Variants in IMMP2L observed in about 807,000 individuals in gnomAD.
IMMP2L encodes the protein inner mitochondrial membrane peptidase subunit 2, also known as mitochondrial inner membrane protease subunit 2.
A neutral mutation model predicts 19.3 loss-of-function variants in IMMP2L; 18 were observed. That is an observed-to-expected ratio of 0.93 (90% CI 0.64 to 1.38). IMMP2L has a LOEUF of 1.38. Among genes scored for constraint, IMMP2L ranks in the 40% most tolerant of loss-of-function variants. The pLI is 0.00. For missense variants in IMMP2L, 233 were observed against 218.2 expected, an observed-to-expected ratio of 1.07 and a Z score of -0.43; for synonymous variants, 76 against 73.0, an observed-to-expected ratio of 1.04 and a Z score of -0.21.
At chr7:111,459,353 C>T (rs545268113) in intron 3 of IMMP2L, among the ~76,000 whole-genome samples, 3 of 152,176 alleles carry the variant, frequency 2.0e-5, no homozygotes, top group South Asian at 2.1e-4. Flanking sequence ...ATTATCACAA[C>T]GTTAGCTCCA....
At chr7:111,298,758 C>CAAAAA (rs36095137) in intron 3 of IMMP2L, among the ~76,000 whole-genome samples, 1 of 116,092 alleles carries the variant, frequency 8.6e-6, no homozygotes, top group African/African-American at 3.5e-5. Flanking sequence ...GACTCTGCCT[C>CAAAAA]AAAAAAAAAA....
intron 4 of IMMP2L, among the ~76,000 whole-genome samples, chr7:110,912,605 A>ACTTTTTT (rs1813175140): frequency 1.3e-5 from 2 of 151,360 alleles, no homozygotes; most frequent in Admixed American, 1.3e-4. Context: ...TTTTTACTTC[A>ACTTTTTT]TGGGGGTAGG....
intron 3 of IMMP2L, among the ~76,000 whole-genome samples, chr7:111,203,703 C>G (rs552434739): frequency 9.9e-5 from 15 of 150,840 alleles, no homozygotes; most frequent in Non-Finnish European, 1.6e-4. Flanking sequence ...TCACCTTGTC[C>G]ATTTTCTGGA....
At chr7:111,135,467 G>A (rs1258999441) in intron 3 of IMMP2L, among the ~76,000 whole-genome samples, 1 of 152,040 alleles carries the variant, frequency 6.6e-6, no homozygotes. Context: ...GTCTTTCTTA[G>A]AAGTGATGGG....
chr7:111,549,860 G>C (rs1366733914), intron 1 of IMMP2L, among the ~76,000 whole-genome samples: 1 of 150,768 alleles, frequency 6.6e-6, no homozygotes, highest in African/African-American at 2.4e-5. Context: ...AAAATCACTT[G>C]AACTTGGGAG....
In IMMP2L at chr7:110,812,038, T is replaced by C. The variant is rs1802076759; in HGVS notation, c.408+74555A>G. Among the ~76,000 whole-genome samples, 4 of 152,052 alleles carry C rather than the reference T, an allele frequency of 2.6e-5. No homozygotes were observed. In the South Asian group the frequency reaches 8.3e-4, roughly 31 times the overall value. ...CTGTTTCATATGTACTCGTCCAACC[T>C]TATTTCTCTGACACATATATTTGGT... On this transcript the variant is annotated intron_variant, in intron 5 of 5. Coordinates refer to ENST00000405709, the MANE Select transcript of IMMP2L (RefSeq NM_032549.4).
chr7:111,202,502 C>T (rs1037535135), intron 3 of IMMP2L, among the ~76,000 whole-genome samples: 58 of 152,312 alleles, frequency 3.8e-4, no homozygotes, highest in African/African-American at 1.3e-3. Flanking sequence ...AGATGAGTGT[C>T]CTCACAGTTA....
chr7:111,490,216 C>G (rs1039812201), intron 2 of IMMP2L, among the ~76,000 whole-genome samples: 6 of 151,388 alleles, frequency 4.0e-5, no homozygotes, highest in Admixed American at 3.3e-4. Flanking sequence ...GTTCCAGTTC[C>G]CAGGTAGCTA....
chr7:111,040,423 G>A (rs936093033), intron 3 of IMMP2L, among the ~76,000 whole-genome samples: 3 of 152,058 alleles, frequency 2.0e-5, no homozygotes, highest in East Asian at 1.9e-4. Context: ...TCTTACTGAA[G>A]CAAATACCCA....
At position 111,267,730 on chromosome 7, in the gene IMMP2L, T is replaced by C. The variant is rs531202762; in HGVS notation, c.239+219508A>G. On this transcript the variant is annotated intron_variant, in intron 3 of 5. Coordinates refer to ENST00000405709, the MANE Select transcript of IMMP2L (RefSeq NM_032549.4). ...TCAGATTATATTAACTTTTTTTCTATATACTATTCTCCAGGGGTAATATTA... is the reference window on the plus strand; with the variant it reads ...TCAGATTATATTAACTTTTTTTCTACATACTATTCTCCAGGGGTAATATTA... Among the ~76,000 whole-genome samples, 11 of 152,316 alleles carry C rather than the reference T, an allele frequency of 7.2e-5. No homozygotes were observed. In the South Asian group the frequency reaches 2.3e-3, roughly 32 times the overall value.
chr7:110,752,480 C>T (rs538104927), intron 5 of IMMP2L, among the ~76,000 whole-genome samples: 16 of 152,002 alleles, frequency 1.1e-4, no homozygotes, highest in Non-Finnish European at 2.2e-4. Context: ...ATTTTACTTG[C>T]TGTGTTTAAA....
At chr7:111,132,680 T>A (rs1801962790) in intron 3 of IMMP2L, among the ~76,000 whole-genome samples, 2 of 151,962 alleles carry the variant, frequency 1.3e-5, no homozygotes, top group South Asian at 4.2e-4. Context: ...AGAACAAAAT[T>A]ATTTATTATA....
At chr7:110,792,319 CA>C (rs755488394) in intron 5 of IMMP2L, among the ~76,000 whole-genome samples, 109 of 151,738 alleles carry the variant, frequency 7.2e-4, no homozygotes, top group Non-Finnish European at 1.4e-3. Context: ...GACTGGCATA[CA>C]GGTACTGAGT....
intron 2 of IMMP2L, among the ~76,000 whole-genome samples, chr7:111,492,122 C>G (rs1416987469): frequency 6.6e-6 from 1 of 151,906 alleles, no homozygotes; most frequent in Non-Finnish European, 1.5e-5. Context: ...AGTCTATAAG[C>G]TCTTTTTTTT....
At chr7:111,236,850 G>A (rs1208437766) in intron 3 of IMMP2L, among the ~76,000 whole-genome samples, 1 of 152,082 alleles carries the variant, frequency 6.6e-6, no homozygotes, top group East Asian at 1.9e-4. Flanking sequence ...CATTCTTAAA[G>A]GATCACTGTC....
At chr7:111,161,101 C>G (rs1179637901) in intron 3 of IMMP2L, among the ~76,000 whole-genome samples, 1 of 151,706 alleles carries the variant, frequency 6.6e-6, no homozygotes, top group African/African-American at 2.4e-5. Flanking sequence ...TAAAATCTTT[C>G]CATAAATACA....
intron 3 of IMMP2L, among the ~76,000 whole-genome samples, chr7:111,314,718 G>A (rs1313896958): frequency 1.3e-5 from 2 of 152,000 alleles, no homozygotes; most frequent in South Asian, 2.1e-4. Context: ...TATCAGTTAA[G>A]CCCACTTTAA....
intron 3 of IMMP2L, among the ~76,000 whole-genome samples, chr7:111,289,470 C>T (rs1584471511): frequency 6.7e-6 from 1 of 150,120 alleles, no homozygotes; most frequent in East Asian, 1.9e-4. Flanking sequence ...TCTGAATGAT[C>T]TTGAATGCTA....
chr7:111,497,956 T>G (rs1043563415), intron 2 of IMMP2L, among the ~76,000 whole-genome samples: 4 of 151,904 alleles, frequency 2.6e-5, no homozygotes, highest in African/African-American at 9.7e-5. Flanking sequence ...TTATTTATTT[T>G]CCACATTTTT....
Sources: allele counts gnomAD v4.1 joint callset (sites outside exome capture counted in the v4.1 genomes callset), GRCh38; gene constraint gnomAD v4.1.1; transcripts MANE v1.5; gene names NCBI Gene and HGNC (gene_info 2026-07-23, HGNC 2026-07-21).